MCF2L: variants seen among roughly 807,000 people sequenced by gnomAD.
MCF2L encodes the protein guanine nucleotide exchange factor DBS.
MCF2L carries 97 observed loss-of-function variants against 153.4 expected under a neutral mutation model. The observed-to-expected ratio is 0.63, with a 90% confidence interval of 0.54 to 0.75. The LOEUF is 0.75. Among genes scored for constraint, MCF2L ranks in the 30% least tolerant of loss-of-function variants. The pLI is 0.00. For missense variants in MCF2L, 1,347 were observed against 1,495.2 expected, an observed-to-expected ratio of 0.90 and a Z score of 1.64; for synonymous variants, 659 against 632.2, an observed-to-expected ratio of 1.04 and a Z score of -0.64.
chr13:112,976,691 C>G (rs1454722488), intron 1 of MCF2L, among the ~76,000 whole-genome samples: 2 of 152,212 alleles, frequency 1.3e-5, no homozygotes, highest in Non-Finnish European at 2.9e-5. Flanking sequence ...CCTTCCCTGG[C>G]GGGTCCCGGG....
rs112333893 is a variant in MCF2L at position 113,096,210 on chromosome 13, C to T, written c.3076-161C>T. The T allele has an allele frequency of 1.4e-3, 863 of 631,148 alleles. 9 individuals are homozygous for T. In the African/African-American group the frequency reaches 0.015, roughly 11 times the overall value. 39.1% of individuals were successfully genotyped at this position (631,148 alleles called of 1,614,324 possible). ...CCGCTGCGGTAGTCATGCCCTGCGG[C>T]GTAGCCTCCTCCCAAGGCTGGAGCC... On this transcript the variant is annotated intron_variant, in intron 27 of 29. Transcript: ENST00000535094.
chr13:112,915,772 G>A (rs567496396), intron 2 of MCF2L, among the ~76,000 whole-genome samples: 16 of 152,298 alleles, frequency 1.1e-4, no homozygotes, highest in African/African-American at 2.6e-4. Context: ...TCTCCTGGAC[G>A]TGATTAAGTA....
At chr13:112,930,160 C>T (rs2081447197) in intron 2 of MCF2L, among the ~76,000 whole-genome samples, 1 of 152,114 alleles carries the variant, frequency 6.6e-6, no homozygotes, top group Non-Finnish European at 1.5e-5. Flanking sequence ...AAGCTAAATG[C>T]ACTCTTACCA....
chr13:112,952,403 C>T (rs1310796118), intron 2 of MCF2L, among the ~76,000 whole-genome samples: 1 of 152,118 alleles, frequency 6.6e-6, no homozygotes, highest in Non-Finnish European at 1.5e-5. Context: ...CCAATGTGAT[C>T]GTGAACTTGC....
rs574305229 is a variant in MCF2L at position 112,929,810 on chromosome 13, C to T, written c.169+27439C>T. 5.3e-5 allele frequency among the ~76,000 whole-genome samples: 8 copies of T among 152,314 alleles called. No individual in the cohort carries two copies. The East Asian group carries it at 7.7e-4, about 15-fold the overall frequency. ...CACAGGCTCGGGAAGTGACTTGGGA[C>T]GGTCACTGTGGCTGAGTTAGCAGTT... On this transcript the variant is annotated intron_variant, in intron 2 of 29. Transcript: ENST00000375608.
Position 112,923,256 on chromosome 13 carries a change from T to G in MCF2L, c.169+20885T>G, listed in dbSNP as rs9604002. On this transcript the variant is annotated intron_variant, in intron 2 of 29. Coordinates refer to the MCF2L transcript ENST00000375608. ...ATCTCCATGAACTTCAGTGTTTGCTTCTTTTTTTTTTTTTTTTTTTTTTTT... is the reference window on the plus strand; with the variant it reads ...ATCTCCATGAACTTCAGTGTTTGCTGCTTTTTTTTTTTTTTTTTTTTTTTT... Among the ~76,000 whole-genome samples, 610 of 131,790 alleles carry G rather than the reference T, an allele frequency of 4.6e-3. 5 individuals carry two copies. The highest frequency in any genetic ancestry group is 0.016 in the African/African-American group (571 of 36,166). 86.5% of individuals were successfully genotyped at this position (131,790 alleles called of 152,430 possible). A position where few individuals can be genotyped will look rare whatever the true frequency, so the allele number is the denominator to read the frequency against.
intron 1 of MCF2L, among the ~76,000 whole-genome samples, chr13:113,003,318 T>C (rs1406212955): frequency 7.3e-5 from 11 of 150,900 alleles, no homozygotes. Flanking sequence ...GGTGGCCCCC[T>C]GGGTTATGGG....
intron 2 of MCF2L, among the ~76,000 whole-genome samples, chr13:112,950,262 A>T (rs1471163823): frequency 6.6e-6 from 1 of 152,246 alleles, no homozygotes; most frequent in Non-Finnish European, 1.5e-5. Context: ...ATGCATGGAG[A>T]GGCATACCAT....
chr13:112,902,565 G>A, intron 2 of MCF2L, among the ~76,000 whole-genome samples: 1 of 152,226 alleles, frequency 6.6e-6, no homozygotes, highest in East Asian at 1.9e-4. Flanking sequence ...CCAGGTCCAA[G>A]TTGGGACGAC....
At chr13:112,999,647 C>T (rs778455502) in intron 1 of MCF2L, among the ~76,000 whole-genome samples, 2 of 152,118 alleles carry the variant, frequency 1.3e-5, no homozygotes, top group Admixed American at 6.6e-5. Context: ...GCCTTGAGCA[C>T]ATTGTGGGAG....
At chr13:112,955,550 A>G (rs958842368) in intron 2 of MCF2L, among the ~76,000 whole-genome samples, 1 of 152,242 alleles carries the variant, frequency 6.6e-6, no homozygotes, top group African/African-American at 2.4e-5. Flanking sequence ...TTGTGACCCC[A>G]TTTTACAGAT....
chr13:113,084,842 T>C, intron 18 of MCF2L, 50 bp from the exon 19 acceptor site: 1 of 1,409,608 alleles, frequency 7.1e-7, no homozygotes, highest in Non-Finnish European at 1.0e-6. Flanking sequence ...CACCGCGTGA[T>C]GCGCTGCCCA....
chr13:113,038,464 C>CAAAA (rs59638426), intron 3 of MCF2L, among the ~76,000 whole-genome samples: 2 of 111,904 alleles, frequency 1.8e-5, no homozygotes, highest in Non-Finnish European at 3.8e-5. Context: ...GCCTCCATCT[C>CAAAA]AAAAAAAAAA....
chr13:112,975,003 C>T (rs140854784), intron 1 of MCF2L, among the ~76,000 whole-genome samples: 1 of 152,350 alleles, frequency 6.6e-6, no homozygotes, highest in African/African-American at 2.4e-5. Context: ...CCAGAACTAT[C>T]GTTTCCACGT....
chr13:113,024,733 A>G lies in MCF2L; in HGVS notation c.253A>G (p.Met85Val), dbSNP rs554580316. 1 of 1,614,136 alleles carries G rather than the reference A, an allele frequency of 6.2e-7. No homozygotes were observed. The highest frequency in any genetic ancestry group is 2.2e-5 in the East Asian group (1 of 44,880). The change falls in exon 3 of 30, where the codon ATG becomes GTG. Residue 85 changes from methionine to valine, a missense_variant. Met to Val is a conservative substitution (Grantham distance 21). Coordinates refer to ENST00000535094, the MANE Select transcript of MCF2L (RefSeq NM_001112732.3). ...EIPDKEFQNV[M>V]TYLTSIPSLQ... Reference sequence around the variant, plus strand: ...TCCGGACAAGGAGTTCCAGAATGTCATGACCTACCTCACCAGCATCCCCAG... The same window carrying G: ...TCCGGACAAGGAGTTCCAGAATGTCGTGACCTACCTCACCAGCATCCCCAG...
chr13:113,012,337 A>AC (rs1269988940), intron 1 of MCF2L, among the ~76,000 whole-genome samples: 16 of 105,614 alleles, frequency 1.5e-4, no homozygotes, highest in South Asian at 4.7e-4. Context: ...GACGGTGGAC[A>AC]GGCAGTGTGG....
intron 2 of MCF2L, among the ~76,000 whole-genome samples, chr13:112,949,994 C>A (rs1264150917): frequency 4.4e-5 from 6 of 134,932 alleles, no homozygotes; most frequent in Admixed American, 7.4e-5. Context: ...TATAAAATCC[C>A]AAGGATTCTA....
chr13:113,044,948 T>C, intron 3 of MCF2L: 1 of 1,594,424 alleles, frequency 6.3e-7, no homozygotes. Context: ...GAAAGGAAAA[T>C]GACTCGGCTC....
chr13:112,979,854 C>G, intron 1 of MCF2L: 1 of 1,173,790 alleles, frequency 8.5e-7, no homozygotes, highest in East Asian at 2.5e-5. Flanking sequence ...GGGTATTTCT[C>G]TCACCACTTG....
Sources: allele counts gnomAD v4.1 joint callset (sites outside exome capture counted in the v4.1 genomes callset), GRCh38; gene constraint gnomAD v4.1.1; transcripts MANE v1.5; gene names NCBI Gene and HGNC (gene_info 2026-07-23, HGNC 2026-07-21).